Variants in ZC3H7B observed in about 807,000 individuals in gnomAD.
The protein encoded by ZC3H7B is zinc finger CCCH domain-containing protein 7B.
A neutral mutation model predicts 116.0 loss-of-function variants in ZC3H7B; 35 were observed. The ratio of observed to expected loss-of-function variants is 0.30; its 90% CI spans 0.23 to 0.40. The LOEUF (loss-of-function observed/expected upper bound fraction) is 0.40, where lower values mean the gene tolerates loss of function less well. Among genes scored for constraint, ZC3H7B ranks in the 10% least tolerant of loss-of-function variants. ZC3H7B has a pLI of 1.00. For synonymous variants in ZC3H7B, 502 were observed against 545.6 expected, an observed-to-expected ratio of 0.92 and a Z score of 1.11; for missense variants, 1,011 against 1,321.5, an observed-to-expected ratio of 0.77 and a Z score of 3.64.
chr22:41,329,646 C>G (rs1341360148), intron 5 of ZC3H7B, among the ~76,000 whole-genome samples: 1 of 152,176 alleles, frequency 6.6e-6, no homozygotes, highest in Non-Finnish European at 1.5e-5. Flanking sequence ...AGTGTGATTC[C>G]CTCCTGGAGA....
chr22:41,337,117 C>T (rs965729523), intron 7 of ZC3H7B, among the ~76,000 whole-genome samples: 1 of 151,970 alleles, frequency 6.6e-6, no homozygotes, highest in Admixed American at 6.6e-5. Flanking sequence ...GCCTGGGCAA[C>T]AAGAGCAAAT....
Position 41,343,542 on chromosome 22 carries a change from G to A in ZC3H7B, c.1425G>A (p.Lys475=). The change falls in exon 13 of 23, where the codon AAG becomes AAA. Residue 475 remains lysine, a synonymous_variant. Coordinates refer to ENST00000352645, the MANE Select transcript of ZC3H7B (RefSeq NM_017590.6). ...TWKRIRPRPT[K]TSFVGSYYLC... ...AGCGGATCCGGCCCCGGCCCACTAA[G>A]ACCAGCTTCGTGGGCTCCTACTACC... 1 of 1,612,022 alleles carries A rather than the reference G, an allele frequency of 6.2e-7. No homozygotes were observed. Among genetic ancestry groups the A allele is most frequent in the Non-Finnish European group, 8.5e-7 (1 of 1,178,916 alleles).
chr22:41,353,470 G>C (rs532150428), intron 17 of ZC3H7B, among the ~76,000 whole-genome samples: 2 of 152,244 alleles, frequency 1.3e-5, no homozygotes. Context: ...TGCTCACATC[G>C]TCCCCAGGTG....
intron 2 of ZC3H7B, among the ~76,000 whole-genome samples, chr22:41,322,607 G>A (rs1266229852): frequency 3.3e-5 from 5 of 151,970 alleles, no homozygotes; most frequent in Admixed American, 6.6e-5. Context: ...CTAATGAAGC[G>A]TGGGCATCGT....
intron 1 of ZC3H7B, among the ~76,000 whole-genome samples, chr22:41,317,317 C>G (rs1436310726): frequency 1.3e-5 from 2 of 152,196 alleles, no homozygotes; most frequent in African/African-American, 4.8e-5. Flanking sequence ...ATCCTTCCCC[C>G]ATTCCTGGGC....
intron 1 of ZC3H7B, among the ~76,000 whole-genome samples, chr22:41,315,206 C>T (rs781253008): frequency 3.3e-5 from 5 of 151,810 alleles, no homozygotes; most frequent in South Asian, 2.1e-4. Flanking sequence ...ACCTTCCACA[C>T]GCACGTGCTA....
At chr22:41,311,437 A>G (rs566046265) in intron 1 of ZC3H7B, among the ~76,000 whole-genome samples, 7 of 152,198 alleles carry the variant, frequency 4.6e-5, no homozygotes, top group Admixed American at 2.6e-4. Context: ...GAAACACCCA[A>G]TCCAGCTGAG....
At chr22:41,325,486 T>C (rs547068862) in intron 2 of ZC3H7B, 78 bp from the exon 3 acceptor site, 3 of 1,549,634 alleles carry the variant, frequency 1.9e-6, no homozygotes, top group Middle Eastern at 3.5e-4. Flanking sequence ...GAGGTCTGAG[T>C]TGGAGGAGTA....
At chr22:41,352,936 C>A (rs775238300) in intron 17 of ZC3H7B, among the ~76,000 whole-genome samples, 3 of 145,880 alleles carry the variant, frequency 2.1e-5, no homozygotes, top group Non-Finnish European at 4.5e-5. Flanking sequence ...AAAAATTAGC[C>A]GGGCATGGTG....
At chr22:41,332,944 G>T (rs1354221263) in intron 7 of ZC3H7B, 1 of 152,342 alleles carries the variant, frequency 6.6e-6, no homozygotes, top group Non-Finnish European at 1.5e-5. Context: ...GTGCACCCCA[G>T]TCAGGCCTGG....
At chr22:41,354,963 A>T (rs1654348737) in intron 17 of ZC3H7B, among the ~76,000 whole-genome samples, 1 of 152,166 alleles carries the variant, frequency 6.6e-6, no homozygotes. Context: ...CCCGCTCTAC[A>T]GGTTCGGCAC....
intron 1 of ZC3H7B, among the ~76,000 whole-genome samples, chr22:41,313,639 C>T (rs552007368): frequency 2.0e-5 from 3 of 152,168 alleles, no homozygotes; most frequent in Non-Finnish European, 4.4e-5. Context: ...TGTCAGTATA[C>T]GTACAGGGAG....
Position 41,357,621 on chromosome 22 carries a change from G to GC in ZC3H7B, c.*197dup, listed in dbSNP as rs1378283145. On this transcript the variant is annotated 3_prime_UTR_variant, in exon 23 of 23. Transcript: ENST00000352645. The surrounding 1 kb of genome is among the most constrained non-coding windows in gnomAD (Gnocchi z 5.4). ...TGCGTACCCAGGCGCACGTGCTGCAGCCCCCGGAGGCCCCGCTGAAACCTG... is the reference window on the plus strand; with the variant it reads ...TGCGTACCCAGGCGCACGTGCTGCAGCCCCCCGGAGGCCCCGCTGAAACCTG... 12 of 766,698 alleles carry GC rather than the reference G, an allele frequency of 1.6e-5. No individual in the cohort carries two copies. In the African/African-American group the frequency reaches 2.1e-4, roughly 13 times the overall value. The allele number at this position is 766,698 out of a possible 1,614,324, so 47.5% of individuals were successfully genotyped here.
intron 6 of ZC3H7B, 119 bp from the exon 7 acceptor site, chr22:41,332,052 C>G: frequency 9.7e-7 from 1 of 1,032,250 alleles, no homozygotes; most frequent in South Asian, 1.4e-5. Flanking sequence ...CAGGGACTCT[C>G]GGGGGCGCTG....
chr22:41,306,443 G>C (rs2036042398), intron 1 of ZC3H7B, among the ~76,000 whole-genome samples: 1 of 143,470 alleles, frequency 7.0e-6, no homozygotes, highest in Non-Finnish European at 1.5e-5. Context: ...GCACGATCTT[G>C]GCTCACTGCA....
Position 41,327,146 on chromosome 22 carries a change from A to AGGCCTGGG in ZC3H7B, c.286-57_286-50dup. ...GTGTTCCTTCCTAGGCAGGGGCAGG[A>AGGCCTGGG]GGCCTGGGGGAGGGAGGGTAACAGG... On this transcript the variant is annotated intron_variant, in intron 4 of 22. Transcript: ENST00000352645. This position sits in a 1 kb window ranked among gnomAD's most constrained non-coding sequence, Gnocchi z 4.5. 6.3e-7 allele frequency: 1 copy of AGGCCTGGG among 1,591,160 alleles called. No individual in the cohort carries two copies. The highest frequency in any genetic ancestry group is 1.1e-5 in the South Asian group (1 of 89,422).
intron 2 of ZC3H7B, 91 bp from the exon 3 acceptor site, chr22:41,325,473 G>A: frequency 6.6e-7 from 1 of 1,518,954 alleles, no homozygotes; most frequent in Non-Finnish European, 9.0e-7. Context: ...CAAGGTGATG[G>A]CTGAGGTCTG....
Position 41,327,450 on chromosome 22 carries a change from A to T in ZC3H7B, c.444+86A>T. On this transcript the variant is annotated intron_variant, in intron 5 of 22. Coordinates refer to ENST00000352645, the MANE Select transcript of ZC3H7B (RefSeq NM_017590.6). The surrounding 1 kb of genome is among the most constrained non-coding windows in gnomAD (Gnocchi z 4.5). The stretch of plus-strand genomic sequence containing the variant: ...GCCCTCACTTGGGCCCAGCCACCAC[A>T]TCCTTCTGTGTCTCACTTCCTCCCC... 6.5e-7 allele frequency: 1 copy of T among 1,528,032 alleles called. No individual in the cohort carries two copies. Among genetic ancestry groups the T allele is most frequent in the South Asian group, 1.2e-5 (1 of 83,534 alleles). 94.7% of individuals were successfully genotyped at this position (1,528,032 alleles called of 1,614,324 possible). A position where few individuals can be genotyped will look rare whatever the true frequency, so the allele number is the denominator to read the frequency against.
chr22:41,349,628 C>T lies in ZC3H7B; in HGVS notation c.1948+327C>T, dbSNP rs567749393. Among the ~76,000 whole-genome samples, 151 of 152,210 alleles carry T rather than the reference C, an allele frequency of 9.9e-4. No homozygotes were observed. Among genetic ancestry groups the T allele is most frequent in the African/African-American group, 3.5e-3 (144 of 41,518 alleles). The stretch of plus-strand genomic sequence containing the variant: ...GACCTCTGCTTGCTCCCTGGGTGGT[C>T]GGCAGCAAGTCCCCGCTCCTCACTG... On this transcript the variant is annotated intron_variant, in intron 16 of 22. Transcript: ENST00000352645. The surrounding 1 kb of genome is among the most constrained non-coding windows in gnomAD (Gnocchi z 4.9).
Sources: gnomAD v4.1 joint callset for allele counts (sites outside exome capture counted in the v4.1 genomes callset) on GRCh38, gnomAD v4.1.1 for gene constraint, Gnocchi (gnomAD v3.1) non-coding constraint, MANE v1.5 for transcripts, NCBI Gene and HGNC (gene_info 2026-07-23, HGNC 2026-07-21) for gene names.